RGS7: variants seen among roughly 807,000 people sequenced by gnomAD.
RGS7 encodes regulator of G-protein signaling 7.
A neutral mutation model predicts 81.1 loss-of-function variants in RGS7; 27 were observed. The observed-to-expected ratio is 0.33, with a 90% CI of 0.25 to 0.46. The LOEUF (loss-of-function observed/expected upper bound fraction) is 0.46. Among genes scored for constraint, RGS7 ranks in the 20% least tolerant of loss-of-function variants. RGS7 has a pLI of 1.00. For synonymous variants in RGS7, 208 were observed against 207.7 expected, an observed-to-expected ratio of 1.00 and a Z score of -0.01; for missense variants, 396 against 607.4, an observed-to-expected ratio of 0.65 and a Z score of 3.66.
chr1:241,272,161 T>G (rs1321892932), intron 2 of RGS7, among the ~76,000 whole-genome samples: 1 of 151,792 alleles, frequency 6.6e-6, no homozygotes, highest in African/African-American at 2.4e-5. Flanking sequence ...GCCTGGCTAA[T>G]TTTTTGTATT....
intron 3 of RGS7, among the ~76,000 whole-genome samples, chr1:241,035,061 T>C (rs1397878968): frequency 6.6e-6 from 1 of 152,094 alleles, no homozygotes; most frequent in Non-Finnish European, 1.5e-5. Context: ...TTTCATGCTG[T>C]GGACTCAGGA....
At chr1:241,275,126 T>C (rs2078123665) in intron 2 of RGS7, among the ~76,000 whole-genome samples, 1 of 152,084 alleles carries the variant, frequency 6.6e-6, no homozygotes. Flanking sequence ...TTTGGAGACA[T>C]CCCTCCCCAT....
Position 241,022,724 on chromosome 1 carries a change from A to T in RGS7, c.176-39595T>A, listed in dbSNP as rs145960779. On this transcript the variant is annotated intron_variant, in intron 3 of 18. Coordinates refer to ENST00000440928, the MANE Select transcript of RGS7 (RefSeq NM_001364886.1). ...TTCAGGAAAATTGATTAGAATATTAACTCCATCTCCAACATGGCGTGGCCA... is the reference window on the plus strand; with the variant it reads ...TTCAGGAAAATTGATTAGAATATTATCTCCATCTCCAACATGGCGTGGCCA... 2.1e-3 allele frequency among the ~76,000 whole-genome samples: 319 copies of T among 151,966 alleles called. 1 individual carries two copies. Among genetic ancestry groups the T allele is most frequent in the African/African-American group, 7.4e-3 (308 of 41,442 alleles).
At chr1:241,344,684 T>C (rs571235176) in intron 2 of RGS7, among the ~76,000 whole-genome samples, 2 of 152,320 alleles carry the variant, frequency 1.3e-5, no homozygotes, top group South Asian at 4.1e-4. Context: ...AATCCTGAGT[T>C]GCCAGAATTA....
At chr1:241,212,713 C>T (rs2074315558) in intron 2 of RGS7, among the ~76,000 whole-genome samples, 1 of 152,136 alleles carries the variant, frequency 6.6e-6, no homozygotes, top group African/African-American at 2.4e-5. Flanking sequence ...GCCATTTGCC[C>T]GAGGTGCCCA....
intron 4 of RGS7, among the ~76,000 whole-genome samples, chr1:240,969,033 T>C (rs988927811): frequency 2.0e-5 from 3 of 152,192 alleles, no homozygotes; most frequent in African/African-American, 4.8e-5. Flanking sequence ...TATGGCCGCT[T>C]CTGGGTAACA....
At chr1:240,853,841 C>T (rs909924477) in intron 9 of RGS7, among the ~76,000 whole-genome samples, 1 of 122,388 alleles carries the variant, frequency 8.2e-6, no homozygotes, top group Non-Finnish European at 1.6e-5. Flanking sequence ...GCGGAGCTTG[C>T]AGTGAGCCGA....
chr1:241,039,238 G>A (rs992003369), intron 3 of RGS7, among the ~76,000 whole-genome samples: 1 of 152,176 alleles, frequency 6.6e-6, no homozygotes, highest in African/African-American at 2.4e-5. Context: ...TTCCTAATTG[G>A]AATTTATTAG....
intron 2 of RGS7, among the ~76,000 whole-genome samples, chr1:241,318,816 C>G (rs1293102817): frequency 6.6e-6 from 1 of 152,002 alleles, no homozygotes; most frequent in African/African-American, 2.4e-5. Flanking sequence ...GTTTTATAAG[C>G]AAAAATGATC....
At chr1:241,339,071 G>T (rs961883941) in intron 2 of RGS7, among the ~76,000 whole-genome samples, 3 of 152,126 alleles carry the variant, frequency 2.0e-5, no homozygotes, top group Non-Finnish European at 4.4e-5. Flanking sequence ...CCCAGTGCGT[G>T]TCGTTCCCCT....
At chr1:241,345,952 T>C (rs1033491036) in intron 2 of RGS7, among the ~76,000 whole-genome samples, 5 of 151,866 alleles carry the variant, frequency 3.3e-5, no homozygotes, top group Admixed American at 6.6e-5. Context: ...GAGGCAGAGA[T>C]TGCAGTGAGC....
intron 3 of RGS7, among the ~76,000 whole-genome samples, chr1:241,028,347 G>A (rs977872779): frequency 5.9e-5 from 9 of 152,206 alleles, no homozygotes; most frequent in African/African-American, 2.2e-4. Context: ...TGCTAGGAAA[G>A]AGTTTGGAAC....
chr1:241,047,373 T>C (rs1478027896), intron 3 of RGS7, among the ~76,000 whole-genome samples: 4 of 152,306 alleles, frequency 2.6e-5, no homozygotes, highest in South Asian at 4.1e-4. Context: ...TCTTTCTTTG[T>C]CTTTCCCGGC....
At chr1:241,055,701 A>G (rs951757388) in intron 3 of RGS7, among the ~76,000 whole-genome samples, 3 of 152,100 alleles carry the variant, frequency 2.0e-5, no homozygotes, top group African/African-American at 4.8e-5. Flanking sequence ...TTGGATTTTT[A>G]TGGAGGCATC....
At chr1:241,229,978 G>C (rs2075560016) in intron 2 of RGS7, among the ~76,000 whole-genome samples, 1 of 152,130 alleles carries the variant, frequency 6.6e-6, no homozygotes. Flanking sequence ...TCAGCGTGAA[G>C]GGCTACTGCA....
intron 9 of RGS7, among the ~76,000 whole-genome samples, chr1:240,849,902 C>T (rs936338074): frequency 1.3e-5 from 2 of 152,192 alleles, no homozygotes; most frequent in Non-Finnish European, 2.9e-5. Flanking sequence ...ACCAACCTAA[C>T]AGAGTAATGT....
chr1:240,989,206 G>A (rs1447677318), intron 3 of RGS7, among the ~76,000 whole-genome samples: 11 of 151,780 alleles, frequency 7.2e-5, no homozygotes, highest in South Asian at 2.1e-4. Flanking sequence ...TTGGGGGGCC[G>A]AGGCAGGTGG....
At chr1:240,858,463 G>C (rs1375244276) in intron 9 of RGS7, among the ~76,000 whole-genome samples, 1 of 152,148 alleles carries the variant, frequency 6.6e-6, no homozygotes, top group Non-Finnish European at 1.5e-5. Flanking sequence ...TGCAATTGTT[G>C]TTTTAATTTA....
At chr1:241,303,841 T>A (rs2079919667) in intron 2 of RGS7, among the ~76,000 whole-genome samples, 1 of 152,190 alleles carries the variant, frequency 6.6e-6, no homozygotes, top group African/African-American at 2.4e-5. Context: ...TATAAATTGG[T>A]CATTAGATTT....
Sources: gnomAD v4.1 joint callset for allele counts (sites outside exome capture counted in the v4.1 genomes callset) on GRCh38, gnomAD v4.1.1 for gene constraint, MANE v1.5 for transcripts, NCBI Gene and HGNC (gene_info 2026-07-23, HGNC 2026-07-21) for gene names.